The following DAB1 variants were observed in gnomAD, a reference collection of about 807,000 sequenced individuals.
The protein encoded by DAB1 is DAB adaptor protein 1.
DAB1 carries 15 observed loss-of-function variants against 64.6 expected under a neutral mutation model. The ratio of observed to expected loss-of-function variants is 0.23; its 90% CI spans 0.16 to 0.36. The LOEUF is 0.36. Ranked by LOEUF, DAB1 falls within the 10% of genes least tolerant of loss-of-function variation. The probability of loss-of-function intolerance (pLI) is 1.00; values close to 1 mark genes in which losing one functional copy is unlikely to be tolerated. For missense variants in DAB1, 596 were observed against 706.7 expected, an observed-to-expected ratio of 0.84 and a Z score of 1.78; for synonymous variants, 235 against 251.9, an observed-to-expected ratio of 0.93 and a Z score of 0.64.
At chr1:57,411,275 G>A (rs1467597500) in intron 1 of DAB1, among the ~76,000 whole-genome samples, 1 of 152,194 alleles carries the variant, frequency 6.6e-6, no homozygotes, top group African/African-American at 2.4e-5. Context: ...AAGAGCACTG[G>A]TTTGGGTGCA....
chr1:57,810,258 A>C (rs1651555127), intron 6 of DAB1, among the ~76,000 whole-genome samples: 1 of 152,180 alleles, frequency 6.6e-6, no homozygotes, highest in Admixed American at 6.5e-5. Flanking sequence ...GGGCTCCTTA[A>C]GAGAAGAGGG....
chr1:57,617,874 G>C (rs1645807359), intron 7 of DAB1, among the ~76,000 whole-genome samples: 1 of 152,094 alleles, frequency 6.6e-6, no homozygotes, highest in South Asian at 2.1e-4. Flanking sequence ...CACAGAATTG[G>C]GCACTTGGGA....
At chr1:58,097,903 T>C (rs945368884) in intron 5 of DAB1, among the ~76,000 whole-genome samples, 1 of 152,184 alleles carries the variant, frequency 6.6e-6, no homozygotes, top group Non-Finnish European at 1.5e-5. Flanking sequence ...CCTAGGTCCC[T>C]GGCACAAGAC....
intron 1 of DAB1, among the ~76,000 whole-genome samples, chr1:57,416,716 C>G (rs1259857260): frequency 6.6e-6 from 1 of 152,130 alleles, no homozygotes; most frequent in Non-Finnish European, 1.5e-5. Context: ...TTACCCTAAT[C>G]TTTTTACCCA....
At chr1:57,040,915 G>A (rs1369746587) in intron 9 of DAB1, among the ~76,000 whole-genome samples, 2 of 152,180 alleles carry the variant, frequency 1.3e-5, no homozygotes, top group Non-Finnish European at 2.9e-5. Context: ...AGGAGGGCAG[G>A]GGAACTTCTC....
At chr1:57,367,118 T>TAATA (rs1553173338) in intron 1 of DAB1, among the ~76,000 whole-genome samples, 1 of 129,936 alleles carries the variant, frequency 7.7e-6, no homozygotes, top group Non-Finnish European at 1.7e-5. Context: ...TAAAATAAAA[T>TAATA]AAATAAATTA....
intron 6 of DAB1, among the ~76,000 whole-genome samples, chr1:57,702,567 G>C (rs1406198215): frequency 6.6e-6 from 1 of 152,072 alleles, no homozygotes; most frequent in Non-Finnish European, 1.5e-5. Context: ...GTTATAGAAT[G>C]GCTTTACTTT....
chr1:57,751,918 C>A (rs942431302), intron 6 of DAB1, among the ~76,000 whole-genome samples: 1 of 152,216 alleles, frequency 6.6e-6, no homozygotes, highest in Non-Finnish European at 1.5e-5. Flanking sequence ...GGCTGTAAAG[C>A]CCCCTGGAGA....
intron 5 of DAB1, among the ~76,000 whole-genome samples, chr1:57,906,254 C>T (rs1644549666): frequency 6.6e-6 from 1 of 152,130 alleles, no homozygotes; most frequent in Non-Finnish European, 1.5e-5. Context: ...TGAACCAATA[C>T]CTATATAGCA....
At chr1:58,465,226 A>G (rs1259908636) in intron 3 of DAB1, among the ~76,000 whole-genome samples, 2 of 152,208 alleles carry the variant, frequency 1.3e-5, no homozygotes, top group Non-Finnish European at 2.9e-5. Context: ...TCAGGCAGGT[A>G]CAGCCCCTGA....
At chr1:57,062,673 C>A (rs1650517458) in intron 9 of DAB1, among the ~76,000 whole-genome samples, 1 of 152,186 alleles carries the variant, frequency 6.6e-6, no homozygotes, top group Non-Finnish European at 1.5e-5. Flanking sequence ...AGACCTTCAT[C>A]CAGATTGGCA....
At chr1:58,318,732 A>G (rs1662613765) in intron 4 of DAB1, among the ~76,000 whole-genome samples, 1 of 152,222 alleles carries the variant, frequency 6.6e-6, no homozygotes, top group African/African-American at 2.4e-5. Context: ...TAATGGCCTC[A>G]GGCTTGAATT....
At chr1:57,933,519 CATA>C (rs1370391168) in intron 5 of DAB1, among the ~76,000 whole-genome samples, 2 of 152,238 alleles carry the variant, frequency 1.3e-5, no homozygotes, top group Admixed American at 1.3e-4. Context: ...TTTCACTCAG[CATA>C]ATATTTTTGA....
At chr1:57,404,363 A>C (rs1464423679) in intron 1 of DAB1, among the ~76,000 whole-genome samples, 3 of 152,214 alleles carry the variant, frequency 2.0e-5, no homozygotes, top group Non-Finnish European at 2.9e-5. Flanking sequence ...CTAAATGCTT[A>C]ATGCAATATC....
intron 5 of DAB1, among the ~76,000 whole-genome samples, chr1:57,966,725 C>T (rs1645675357): frequency 1.3e-5 from 2 of 152,134 alleles, no homozygotes; most frequent in Non-Finnish European, 1.5e-5. Flanking sequence ...TTAAGTTTTT[C>T]GTGTATGTAC....
At chr1:57,026,303 C>T (rs1646785258) in intron 9 of DAB1, among the ~76,000 whole-genome samples, 1 of 152,170 alleles carries the variant, frequency 6.6e-6, no homozygotes, top group Admixed American at 6.5e-5. Flanking sequence ...TTCCCATAAG[C>T]AGTAATAACA....
intron 4 of DAB1, among the ~76,000 whole-genome samples, chr1:58,184,496 T>A (rs992750703): frequency 6.6e-6 from 1 of 151,478 alleles, no homozygotes; most frequent in South Asian, 2.1e-4. Flanking sequence ...TGATAACCAA[T>A]AAAACAGAAA....
intron 7 of DAB1, among the ~76,000 whole-genome samples, chr1:57,529,706 A>G (rs1173541481): frequency 6.6e-6 from 1 of 152,190 alleles, no homozygotes; most frequent in East Asian, 1.9e-4. Flanking sequence ...TATGTACTTA[A>G]TAGCAAAACC....
intron 5 of DAB1, among the ~76,000 whole-genome samples, chr1:58,132,191 G>A (rs1441976448): frequency 2.6e-5 from 4 of 152,186 alleles, no homozygotes; most frequent in African/African-American, 9.6e-5. Flanking sequence ...TCGGAAAAGC[G>A]CAGTATTCGG....
Sources: allele counts gnomAD v4.1 joint callset (sites outside exome capture counted in the v4.1 genomes callset), GRCh38; gene constraint gnomAD v4.1.1; transcripts MANE v1.5; gene names NCBI Gene and HGNC (gene_info 2026-07-23, HGNC 2026-07-21).